CPPED1: variants seen among roughly 807,000 people sequenced by gnomAD.
The protein encoded by CPPED1 is serine/threonine-protein phosphatase CPPED1.
In CPPED1, 28 loss-of-function variants were observed where a neutral mutation model predicts 28.0. The ratio of observed to expected loss-of-function variants is 1.00; its 90% CI spans 0.74 to 1.37. CPPED1 has a LOEUF of 1.37. Ranked by LOEUF, CPPED1 falls within the 40% of genes most tolerant of loss-of-function variation. CPPED1 has a pLI of 0.00. For missense variants in CPPED1, 504 were observed against 416.5 expected, an observed-to-expected ratio of 1.21 and a Z score of -1.83; for synonymous variants, 198 against 180.2, an observed-to-expected ratio of 1.10 and a Z score of -0.79.
intron 2 of CPPED1, among the ~76,000 whole-genome samples, chr16:12,743,001 C>T (rs933704244): frequency 6.6e-6 from 1 of 152,208 alleles, no homozygotes; most frequent in Non-Finnish European, 1.5e-5. Flanking sequence ...GTCTATGGGT[C>T]ATGAGTGACC....
intron 2 of CPPED1, among the ~76,000 whole-genome samples, chr16:12,726,124 C>T (rs2141201657): frequency 6.6e-6 from 1 of 152,278 alleles, no homozygotes; most frequent in East Asian, 1.9e-4. Flanking sequence ...TTACCACAAC[C>T]TCTGCCTCCT....
At chr16:12,696,734 C>A (rs894296338) in intron 3 of CPPED1, among the ~76,000 whole-genome samples, 1 of 151,970 alleles carries the variant, frequency 6.6e-6, no homozygotes, top group Non-Finnish European at 1.5e-5. Context: ...TGAGCCGCTG[C>A]GCCTGGCCTG....
At position 12,704,820 on chromosome 16, in the gene CPPED1, T is replaced by G; in HGVS notation, c.519A>C (p.Lys173Asn). 6.2e-7 allele frequency: 1 copy of G among 1,614,050 alleles called. No homozygotes were observed. Residue 173 changes from lysine (K) to asparagine (N), a missense_variant, in exon 3 of 4, where the codon AAA (lysine) becomes AAC (asparagine). Lys to Asn is a moderately conservative substitution (Grantham distance 94, BLOSUM62 0). Transcript: ENST00000381774. ...CCTGAGCCTGCTTCAGGCTGGGGCA[T>G]TTGGAGGGGTTCTCGTAGAACTGGG... ...LNSQFYENPS[K>N]CPSLKQAQDQ...
chr16:12,749,867 T>C (rs2080316094), intron 2 of CPPED1, among the ~76,000 whole-genome samples: 1 of 152,214 alleles, frequency 6.6e-6, no homozygotes. Context: ...TGGGATTACA[T>C]GCATGAGGCA....
intron 3 of CPPED1, among the ~76,000 whole-genome samples, chr16:12,676,477 G>T (rs1030857428): frequency 2.6e-5 from 4 of 152,214 alleles, no homozygotes; most frequent in Non-Finnish European, 5.9e-5. Context: ...TGACCAGGAA[G>T]ATATCATCCC....
chr16:12,673,730 C>G (rs1385402537), intron 3 of CPPED1, among the ~76,000 whole-genome samples: 1 of 152,094 alleles, frequency 6.6e-6, no homozygotes, highest in Admixed American at 6.5e-5. Flanking sequence ...TTAAGAGTAG[C>G]AAAGATGCTG....
At chr16:12,764,257 G>A (rs1259723453) in intron 2 of CPPED1, among the ~76,000 whole-genome samples, 4 of 151,378 alleles carry the variant, frequency 2.6e-5, no homozygotes, top group Non-Finnish European at 1.5e-5. Flanking sequence ...AGGCCAGAGT[G>A]CAGTGGTGCG....
intron 3 of CPPED1, among the ~76,000 whole-genome samples, chr16:12,678,830 G>A (rs1325999331): frequency 6.6e-6 from 1 of 152,066 alleles, no homozygotes; most frequent in African/African-American, 2.4e-5. Context: ...CGTATCATCT[G>A]CAAATAGGCC....
At chr16:12,758,984 A>G (rs1027314269) in intron 2 of CPPED1, among the ~76,000 whole-genome samples, 3 of 151,758 alleles carry the variant, frequency 2.0e-5, no homozygotes, top group Admixed American at 6.6e-5. Flanking sequence ...GCAACACGGC[A>G]AGACCCCATC....
chr16:12,796,764 A>G (rs1469565546), intron 1 of CPPED1, among the ~76,000 whole-genome samples: 1 of 152,166 alleles, frequency 6.6e-6, no homozygotes, highest in Non-Finnish European at 1.5e-5. Context: ...CCTTAAGAAG[A>G]TGTGTCTGTG....
chr16:12,757,729 G>A (rs1262420939), intron 2 of CPPED1: 2 of 143,738 alleles, frequency 1.4e-5, no homozygotes, highest in African/African-American at 5.1e-5. Flanking sequence ...CAGTCCTAAT[G>A]GCAACCTTTT....
chr16:12,743,832 C>T (rs575377690), intron 2 of CPPED1, among the ~76,000 whole-genome samples: 3 of 151,970 alleles, frequency 2.0e-5, no homozygotes, highest in Non-Finnish European at 2.9e-5. Context: ...GATGAAACCC[C>T]ATCTCTACAA....
intron 2 of CPPED1, among the ~76,000 whole-genome samples, chr16:12,767,352 A>C (rs748250711): frequency 9.2e-5 from 14 of 152,168 alleles, no homozygotes; most frequent in Non-Finnish European, 2.1e-4. Context: ...AATGCATTGG[A>C]TGATGCCTGC....
At chr16:12,759,792 G>C (rs542670370) in intron 2 of CPPED1, among the ~76,000 whole-genome samples, 2 of 152,252 alleles carry the variant, frequency 1.3e-5, no homozygotes, top group Non-Finnish European at 2.9e-5. Context: ...CTTCTCCTTT[G>C]CCTTCCATCT....
chr16:12,791,786 C>T (rs191500132), intron 1 of CPPED1, among the ~76,000 whole-genome samples: 94 of 152,338 alleles, frequency 6.2e-4, no homozygotes, highest in African/African-American at 2.2e-3. Flanking sequence ...GGCAGGCCCA[C>T]GTTTGCATTC....
chr16:12,761,785 C>T lies in CPPED1; in HGVS notation c.289+19400G>A, dbSNP rs868831588. Among the ~76,000 whole-genome samples the T allele has an allele frequency of 3.3e-4, 50 of 152,174 alleles. 2 individuals carry two copies. The South Asian group carries it at 7.5e-3, about 23-fold the overall frequency. On this transcript the variant is annotated intron_variant, in intron 2 of 3. Transcript: ENST00000381774. ...CAACACTTTGGGAGGCCGAGGCGGGCGGATCACTTGAAATCAGGAGTTCGA... is the reference window on the plus strand; with the variant it reads ...CAACACTTTGGGAGGCCGAGGCGGGTGGATCACTTGAAATCAGGAGTTCGA...
chr16:12,787,627 G>A (rs1446059280), intron 1 of CPPED1, among the ~76,000 whole-genome samples: 2 of 151,900 alleles, frequency 1.3e-5, no homozygotes, highest in African/African-American at 4.8e-5. Context: ...GGCTGGTTTT[G>A]AACTCCTGAC....
At chr16:12,731,418 G>A (rs2141205274) in intron 2 of CPPED1, among the ~76,000 whole-genome samples, 1 of 151,696 alleles carries the variant, frequency 6.6e-6, no homozygotes, top group Admixed American at 6.6e-5. Flanking sequence ...CTGAGAGGCA[G>A]CAGAGACTGC....
At chr16:12,759,200 T>C (rs1365469575) in intron 2 of CPPED1, 1 of 129,406 alleles carries the variant, frequency 7.7e-6, no homozygotes, top group Admixed American at 7.8e-5. Context: ...AAAAAAAAAG[T>C]GCTAGAGAAC....
Sources: allele counts gnomAD v4.1 joint callset (sites outside exome capture counted in the v4.1 genomes callset), GRCh38; gene constraint gnomAD v4.1.1; transcripts MANE v1.5; gene names NCBI Gene and HGNC (gene_info 2026-07-23, HGNC 2026-07-21).